UBE2E2: variants seen among roughly 807,000 people sequenced by gnomAD.
The protein encoded by UBE2E2 is ubiquitin conjugating enzyme E2 E2.
In UBE2E2, 6 loss-of-function variants were observed where a neutral mutation model predicts 24.7. That is an observed-to-expected ratio of 0.24 (90% CI 0.13 to 0.48). UBE2E2 has a LOEUF of 0.48. Among genes scored for constraint, UBE2E2 ranks in the 20% least tolerant of loss-of-function variants. The pLI is 0.99. For synonymous variants in UBE2E2, 104 were observed against 83.6 expected (o/e 1.24, Z -1.33); for missense variants, 169 against 245.0 (o/e 0.69, Z 2.07).
At position 23,532,622 on chromosome 3, in the gene UBE2E2, A is replaced by G; in HGVS notation, c.429A>G (p.Leu143=). The G allele has an allele frequency of 6.3e-7, 1 of 1,579,582 alleles. No individual in the cohort carries two copies. Among genetic ancestry groups the G allele is most frequent in the South Asian group, 1.2e-5 (1 of 85,704 alleles). ...AAGGTGTGATCTGTCTGGACATCTT[A>G]AAGGACAACTGGAGTCCGGCTTTAA... ...NSQGVICLDI[L]KDNWSPALTI... Residue 143 remains leucine (L), a synonymous_variant, in exon 5 of 6, where the codon TTA becomes TTG. Transcript: ENST00000396703.
intron 3 of UBE2E2, among the ~76,000 whole-genome samples, chr3:23,308,982 T>C (rs1699307059): frequency 6.6e-6 from 1 of 152,252 alleles, no homozygotes; most frequent in African/African-American, 2.4e-5. Context: ...AAAGATGTAC[T>C]GTTCCAGAAG....
chr3:23,538,674 T>C (rs1695320249), intron 5 of UBE2E2, among the ~76,000 whole-genome samples: 1 of 152,254 alleles, frequency 6.6e-6, no homozygotes, highest in African/African-American at 2.4e-5. Context: ...TGAAGGCTTA[T>C]TAAGATGGAT....
At chr3:23,305,513 A>T (rs947655512) in intron 3 of UBE2E2, among the ~76,000 whole-genome samples, 1 of 152,204 alleles carries the variant, frequency 6.6e-6, no homozygotes, top group Non-Finnish European at 1.5e-5. Context: ...TTGTTTTTGC[A>T]TCAGCAGTAT....
At chr3:23,566,688 C>G (rs998635991) in intron 5 of UBE2E2, among the ~76,000 whole-genome samples, 2 of 152,224 alleles carry the variant, frequency 1.3e-5, no homozygotes, top group South Asian at 2.1e-4. Flanking sequence ...ACAACCAGAT[C>G]TCATTACCAC....
chr3:23,290,663 A>G (rs1698739511), intron 3 of UBE2E2, among the ~76,000 whole-genome samples: 1 of 152,068 alleles, frequency 6.6e-6, no homozygotes, highest in Admixed American at 6.5e-5. Flanking sequence ...GTTGTGATTT[A>G]GAATTTAAAA....
chr3:23,333,635 G>T lies in UBE2E2; in HGVS notation c.227+116323G>T, dbSNP rs922341900. The stretch of plus-strand genomic sequence containing the variant: ...TCATTTGTTTCCATTACAAGAGAAT[G>T]ATGAATGACAGTGTTAAAATAATTT... On this transcript the variant is annotated intron_variant, in intron 3 of 5. Coordinates refer to ENST00000396703, the MANE Select transcript of UBE2E2 (RefSeq NM_152653.4). 3.9e-5 allele frequency among the ~76,000 whole-genome samples: 6 copies of T among 152,174 alleles called. No homozygotes were observed. In the South Asian group the frequency reaches 8.3e-4, roughly 21 times the overall value.
At chr3:23,383,590 G>A (rs1308373663) in intron 3 of UBE2E2, among the ~76,000 whole-genome samples, 1 of 151,772 alleles carries the variant, frequency 6.6e-6, no homozygotes, top group African/African-American at 2.4e-5. Context: ...CGGCCACTCT[G>A]TAAACCTAAT....
intron 3 of UBE2E2, among the ~76,000 whole-genome samples, chr3:23,358,286 C>T (rs1456869415): frequency 6.7e-6 from 1 of 149,284 alleles, no homozygotes; most frequent in Non-Finnish European, 1.5e-5. Context: ...TTCATTTCAA[C>T]AGAGCAAACA....
intron 3 of UBE2E2, among the ~76,000 whole-genome samples, chr3:23,301,448 A>G (rs1699086201): frequency 6.6e-6 from 1 of 152,214 alleles, no homozygotes; most frequent in South Asian, 2.1e-4. Flanking sequence ...GGTGATGTAC[A>G]GATGGGTTTT....
At chr3:23,493,879 G>A (rs1372199482) in intron 3 of UBE2E2, among the ~76,000 whole-genome samples, 3 of 152,170 alleles carry the variant, frequency 2.0e-5, no homozygotes, top group Non-Finnish European at 4.4e-5. Flanking sequence ...TCTGCAGCGT[G>A]TAACAGCAAG....
At chr3:23,219,103 G>T (rs1262208940) in intron 3 of UBE2E2, among the ~76,000 whole-genome samples, 3 of 152,172 alleles carry the variant, frequency 2.0e-5, no homozygotes, top group Non-Finnish European at 4.4e-5. Context: ...TCACTTGTGG[G>T]CTGAGGATTG....
chr3:23,263,591 T>C lies in UBE2E2; in HGVS notation c.227+46279T>C, dbSNP rs183383415. On this transcript the variant is annotated intron_variant, in intron 3 of 5. Coordinates refer to ENST00000396703, the MANE Select transcript of UBE2E2 (RefSeq NM_152653.4). The stretch of plus-strand genomic sequence containing the variant: ...TATTTATTTATTTTTCTATAGTGGA[T>C]GAGGGCCTTTCGTTTAAGAGCTACA... Among the ~76,000 whole-genome samples, 42 of 152,312 alleles carry C rather than the reference T, an allele frequency of 2.8e-4. 1 individual carries two copies. In the East Asian group the frequency reaches 6.4e-3, roughly 23 times the overall value.
At chr3:23,402,337 A>T (rs2125372611) in intron 3 of UBE2E2, among the ~76,000 whole-genome samples, 1 of 152,312 alleles carries the variant, frequency 6.6e-6, no homozygotes, top group Non-Finnish European at 1.5e-5. Context: ...CGTGATAGTC[A>T]CTAGTACTTC....
At chr3:23,244,344 G>A (rs867136850) in intron 3 of UBE2E2, among the ~76,000 whole-genome samples, 5,149 of 152,150 alleles carry the variant, frequency 0.034, 312 homozygotes, top group African/African-American at 0.12. Context: ...AGATAGATTA[G>A]TGTCTAGCTT....
At chr3:23,465,360 G>T (rs1171985320) in intron 3 of UBE2E2, among the ~76,000 whole-genome samples, 1 of 152,146 alleles carries the variant, frequency 6.6e-6, no homozygotes, top group Admixed American at 6.5e-5. Flanking sequence ...GTATAATATA[G>T]CTTATCCCAT....
intron 3 of UBE2E2, among the ~76,000 whole-genome samples, chr3:23,428,928 TAAAAAAAAAAAAA>T (rs34525850): frequency 1.3e-5 from 1 of 75,904 alleles, no homozygotes; most frequent in Non-Finnish European, 2.4e-5. Flanking sequence ...CTCTGTCTCT[TAAAAAAAAAAAAA>T]AAAAAAAAAA....
intron 3 of UBE2E2, among the ~76,000 whole-genome samples, chr3:23,471,236 A>G (rs1699028487): frequency 1.3e-5 from 2 of 152,342 alleles, no homozygotes; most frequent in Admixed American, 6.5e-5. Context: ...TACAAACTAC[A>G]GGAAGAAGAT....
intron 4 of UBE2E2, among the ~76,000 whole-genome samples, chr3:23,526,328 A>C (rs1271136020): frequency 1.3e-5 from 2 of 151,988 alleles, no homozygotes; most frequent in Non-Finnish European, 2.9e-5. Context: ...TGTTAAAGAG[A>C]TCTTCTCCTT....
At chr3:23,233,054 C>A (rs1205625982) in intron 3 of UBE2E2, among the ~76,000 whole-genome samples, 1 of 152,114 alleles carries the variant, frequency 6.6e-6, no homozygotes, top group Non-Finnish European at 1.5e-5. Flanking sequence ...CCTGCATTTG[C>A]AGTCTTTGGA....
Sources: allele counts gnomAD v4.1 joint callset (sites outside exome capture counted in the v4.1 genomes callset), GRCh38; gene constraint gnomAD v4.1.1; transcripts MANE v1.5; gene names NCBI Gene and HGNC (gene_info 2026-07-23, HGNC 2026-07-21).